The following AAK1 variants were observed in gnomAD, a reference collection of about 807,000 sequenced individuals.
The protein encoded by AAK1 is AP2 associated kinase 1, also known as AP2-associated protein kinase 1.
AAK1 carries 37 observed loss-of-function variants against 116.0 expected under a neutral mutation model. That is an observed-to-expected ratio of 0.32 (90% confidence interval 0.25 to 0.42). AAK1 has a LOEUF of 0.42. Ranked by LOEUF, AAK1 falls within the 10% of genes least tolerant of loss-of-function variation. The probability of loss-of-function intolerance (pLI) is 1.00; values close to 1 mark genes in which losing one functional copy is unlikely to be tolerated. For synonymous variants in AAK1, 458 were observed against 439.9 expected (o/e 1.04, Z -0.51); for missense variants, 919 against 1,170.6 (o/e 0.79, Z 3.14).
intron 2 of AAK1, among the ~76,000 whole-genome samples, chr2:69,562,375 A>G (rs1671678852): frequency 6.6e-6 from 1 of 152,210 alleles, no homozygotes; most frequent in Non-Finnish European, 1.5e-5. Flanking sequence ...CTTTCCTGAT[A>G]AAAGGTTTTA....
intron 3 of AAK1, among the ~76,000 whole-genome samples, chr2:69,554,800 C>T (rs1671322649): frequency 6.6e-6 from 1 of 152,306 alleles, no homozygotes; most frequent in African/African-American, 2.4e-5. Context: ...GCTTAGTTCA[C>T]CTATTTGAAT....
intron 13 of AAK1, among the ~76,000 whole-genome samples, chr2:69,513,280 G>A (rs1024824208): frequency 3.9e-5 from 6 of 151,978 alleles, no homozygotes; most frequent in Admixed American, 1.3e-4. Flanking sequence ...GGTTTAAGAT[G>A]GGAGACAAAA....
chr2:69,469,543 A>G lies in AAK1; in HGVS notation c.*6326T>C. 2.0e-6 allele frequency: 2 copies of G among 985,420 alleles called. No homozygotes were observed. Among genetic ancestry groups the G allele is most frequent in the Non-Finnish European group, 2.4e-6 (2 of 829,936 alleles). The allele number at this position is 985,420 out of a possible 1,614,324, so 61.0% of individuals were successfully genotyped here. ...GAAGGATTTATACTAACCTAACCAC[A>G]TGCCTTGACCCAGTTCCTTTGGTAA... On this transcript the variant is annotated 3_prime_UTR_variant, in exon 22 of 22. Transcript: ENST00000409085.
At chr2:69,534,394 T>C (rs547401304) in intron 5 of AAK1, among the ~76,000 whole-genome samples, 2 of 152,214 alleles carry the variant, frequency 1.3e-5, no homozygotes, top group Non-Finnish European at 2.9e-5. Context: ...AATACTTGTC[T>C]AATGCATTGG....
chr2:69,511,003 T>A (rs1245657426), intron 13 of AAK1, among the ~76,000 whole-genome samples: 1 of 152,344 alleles, frequency 6.6e-6, no homozygotes, highest in African/African-American at 2.4e-5. Context: ...TCCTTAAGCA[T>A]AAGTCACCTA....
Position 69,542,601 on chromosome 2 carries a change from G to C in AAK1, c.456C>G (p.Leu152=). Residue 152 remains leucine, a synonymous_variant, in exon 5 of 22, where the codon CTC becomes CTG. Coordinates refer to ENST00000409085, the MANE Select transcript of AAK1 (RefSeq NM_014911.5). The part of the protein sequence containing the change: ...LQTGFTENEV[L]QIFCDTCEAV... Reference sequence around the variant, plus strand: ...CTTCACAGGTATCACAAAATATCTGGAGCACTTCATTCTCTGTAAAGCCTG... The same window carrying C: ...CTTCACAGGTATCACAAAATATCTGCAGCACTTCATTCTCTGTAAAGCCTG... 1 of 1,613,930 alleles carries C rather than the reference G, an allele frequency of 6.2e-7. No homozygotes were observed. The highest frequency in any genetic ancestry group is 8.5e-7 in the Non-Finnish European group (1 of 1,179,860).
At chr2:69,582,831 G>GA (rs1441620542) in intron 2 of AAK1, among the ~76,000 whole-genome samples, 1 of 152,138 alleles carries the variant, frequency 6.6e-6, no homozygotes, top group Non-Finnish European at 1.5e-5. Flanking sequence ...AAAGAATGCT[G>GA]ATGTCTAGCA....
chr2:69,536,048 GAA>G (rs1269371787), intron 5 of AAK1, among the ~76,000 whole-genome samples: 1 of 152,168 alleles, frequency 6.6e-6, no homozygotes, highest in South Asian at 2.1e-4. Context: ...TAATAGATTA[GAA>G]AAAAGAGGCC....
At chr2:69,507,156 T>C (rs2104963547) in intron 15 of AAK1, among the ~76,000 whole-genome samples, 1 of 152,292 alleles carries the variant, frequency 6.6e-6, no homozygotes, top group East Asian at 1.9e-4. Context: ...AAACCTTTTC[T>C]ACAAGTTTCT....
intron 2 of AAK1, among the ~76,000 whole-genome samples, chr2:69,573,902 G>C (rs1672190039): frequency 6.6e-6 from 1 of 152,090 alleles, no homozygotes; most frequent in Non-Finnish European, 1.5e-5. Flanking sequence ...GGGAGGCTGA[G>C]GCAGGAGAAT....
intron 2 of AAK1, among the ~76,000 whole-genome samples, chr2:69,639,579 G>A (rs959168657): frequency 4.6e-5 from 7 of 152,190 alleles, no homozygotes; most frequent in African/African-American, 1.7e-4. Context: ...AGGTATGGCA[G>A]TGCGACATCT....
chr2:69,473,182 A>G lies in AAK1; in HGVS notation c.*2687T>C. 1.7e-5 allele frequency: 13 copies of G among 785,810 alleles called. No homozygotes were observed. Among genetic ancestry groups the G allele is most frequent in the Non-Finnish European group, 2.0e-5 (13 of 647,780 alleles). 48.7% of individuals were successfully genotyped at this position (785,810 alleles called of 1,614,324 possible). ...ACTCAGCCAGTGGCTGGCAAGGGCC[A>G]GGATGAGATCCCAGGTGGCCTGTCC... On this transcript the variant is annotated 3_prime_UTR_variant, in exon 22 of 22. Coordinates refer to ENST00000409085, the MANE Select transcript of AAK1 (RefSeq NM_014911.5).
chr2:69,582,686 TCAAGTGAAAGACA>T (rs1052138291), intron 2 of AAK1, among the ~76,000 whole-genome samples: 8 of 152,164 alleles, frequency 5.3e-5, no homozygotes, highest in Admixed American at 2.6e-4. Context: ...GTTAAAAAAA[TCAAGTGAAAGACA>T]CAAGGTTAGT....
chr2:69,588,629 A>C (rs532353619), intron 2 of AAK1, among the ~76,000 whole-genome samples: 12 of 152,146 alleles, frequency 7.9e-5, no homozygotes, highest in African/African-American at 2.9e-4. Context: ...TGCTAAGCTA[A>C]TTGCATCATT....
intron 2 of AAK1, among the ~76,000 whole-genome samples, chr2:69,611,210 C>T (rs1172679315): frequency 6.6e-6 from 1 of 152,174 alleles, no homozygotes; most frequent in Non-Finnish European, 1.5e-5. Flanking sequence ...GCTGCCAACG[C>T]GGCTAGAACA....
chr2:69,497,138 T>C (rs1437026409), intron 16 of AAK1, among the ~76,000 whole-genome samples: 1 of 151,936 alleles, frequency 6.6e-6, no homozygotes, highest in Admixed American at 6.6e-5. Flanking sequence ...CACTTTATCA[T>C]TCTTTTTATT....
chr2:69,580,347 A>G (rs1296430868), intron 2 of AAK1, among the ~76,000 whole-genome samples: 1 of 152,088 alleles, frequency 6.6e-6, no homozygotes, highest in Non-Finnish European at 1.5e-5. Context: ...ACCATCATGG[A>G]CATCTGATCC....
rs1316115235 is a variant in AAK1, at chr2:69,473,886, C to T, written c.*1983G>A. On this transcript the variant is annotated 3_prime_UTR_variant, in exon 22 of 22. Coordinates refer to ENST00000409085, the MANE Select transcript of AAK1 (RefSeq NM_014911.5). ...ATTTTCCTGTCCATAAAGGGGTAAA[C>T]CAAGTCCTATTTTCACTGCTATCCA... The T allele has an allele frequency of 7.1e-6, 7 of 985,640 alleles. No individual in the cohort carries two copies. The Admixed American group carries it at 4.3e-4, about 61-fold the overall frequency. 61.1% of individuals were successfully genotyped at this position (985,640 alleles called of 1,614,324 possible). A position where few individuals can be genotyped will look rare whatever the true frequency, so the allele number is the denominator to read the frequency against.
intron 11 of AAK1, among the ~76,000 whole-genome samples, chr2:69,519,667 C>T (rs1669676062): frequency 6.6e-6 from 1 of 152,128 alleles, no homozygotes; most frequent in Non-Finnish European, 1.5e-5. Flanking sequence ...AAGTAGATGG[C>T]CACCAAATTC....
Sources: gnomAD v4.1 joint callset for allele counts (sites outside exome capture counted in the v4.1 genomes callset) on GRCh38, gnomAD v4.1.1 for gene constraint, MANE v1.5 for transcripts, NCBI Gene and HGNC (gene_info 2026-07-23, HGNC 2026-07-21) for gene names.